The following NCK2 variants were observed in gnomAD, a reference collection of about 807,000 sequenced individuals.
NCK2 encodes the protein NCK adaptor protein 2, also known as cytoplasmic protein NCK2.
NCK2 carries 16 observed loss-of-function variants against 33.9 expected under a neutral mutation model. That is an observed-to-expected ratio of 0.47 (90% confidence interval 0.32 to 0.72). The LOEUF is 0.72. Among genes scored for constraint, NCK2 ranks in the 30% least tolerant of loss-of-function variants. The pLI, the probability that NCK2 is intolerant of heterozygous loss-of-function variation, is 0.03. For synonymous variants in NCK2, 273 were observed against 239.9 expected (o/e 1.14, Z -1.27); for missense variants, 418 against 537.3 (o/e 0.78, Z 2.19).
intron 1 of NCK2, among the ~76,000 whole-genome samples, chr2:105,785,214 A>ATG (rs1166148197): frequency 1.3e-5 from 2 of 152,138 alleles, no homozygotes; most frequent in Non-Finnish European, 2.9e-5. Context: ...TCCTGACCTC[A>ATG]TGATCCGCCC....
At chr2:105,747,085 G>A (rs1689312402) in intron 1 of NCK2, among the ~76,000 whole-genome samples, 2 of 152,176 alleles carry the variant, frequency 1.3e-5, no homozygotes, top group African/African-American at 4.8e-5. Context: ...CGTCGGGCTT[G>A]CTGAAGGTGC....
intron 3 of NCK2, among the ~76,000 whole-genome samples, chr2:105,864,002 G>A (rs1677650883): frequency 1.3e-5 from 2 of 152,096 alleles, no homozygotes. Context: ...GAGGGATGCA[G>A]AGTGCAAGTG....
chr2:105,877,471 G>T (rs979762488), intron 3 of NCK2, among the ~76,000 whole-genome samples: 1 of 152,172 alleles, frequency 6.6e-6, no homozygotes, highest in African/African-American at 2.4e-5. Context: ...AGCCTGCTGA[G>T]ACCTATTAAC....
intron 1 of NCK2, among the ~76,000 whole-genome samples, chr2:105,811,182 A>G (rs1161453785): frequency 1.3e-5 from 2 of 148,254 alleles, no homozygotes; most frequent in African/African-American, 5.0e-5. Context: ...AAAAAAATGC[A>G]TTATGGCTTT....
At chr2:105,843,119 G>A (rs563546084) in intron 2 of NCK2, among the ~76,000 whole-genome samples, 2 of 152,116 alleles carry the variant, frequency 1.3e-5, no homozygotes, top group African/African-American at 4.8e-5. Context: ...TTGAGGTTTT[G>A]GAATATCTAC....
At chr2:105,835,409 G>GTGTATATATATATACATA (rs56250020) in intron 2 of NCK2, among the ~76,000 whole-genome samples, 15 of 59,322 alleles carry the variant, frequency 2.5e-4, no homozygotes, top group South Asian at 6.0e-4. Context: ...ATATATACGT[G>GTGTATATATATATACATA]TATATATATA....
intron 2 of NCK2, among the ~76,000 whole-genome samples, chr2:105,849,072 G>A (rs865881411): frequency 2.0e-5 from 3 of 152,052 alleles, no homozygotes; most frequent in Admixed American, 1.3e-4. Context: ...GTCTCCCTGC[G>A]TATATTTTGA....
intron 2 of NCK2, among the ~76,000 whole-genome samples, chr2:105,819,490 C>T (rs1313248306): frequency 6.6e-6 from 1 of 152,176 alleles, no homozygotes; most frequent in East Asian, 1.9e-4. Flanking sequence ...AATTTATTAG[C>T]ATCAGAGTCT....
chr2:105,779,729 C>T (rs1690426019), intron 1 of NCK2, among the ~76,000 whole-genome samples: 1 of 152,084 alleles, frequency 6.6e-6, no homozygotes, highest in Non-Finnish European at 1.5e-5. Context: ...TTGAATTGAG[C>T]CTCTTGGTCA....
chr2:105,830,396 A>G (rs10865070), intron 2 of NCK2, among the ~76,000 whole-genome samples: 142,229 of 152,234 alleles, frequency 0.93, 66,532 homozygotes, highest in East Asian at 1. Context: ...CATGAGTGAC[A>G]AGTGACAGAA....
At chr2:105,845,255 G>C (rs1676812476) in intron 2 of NCK2, among the ~76,000 whole-genome samples, 1 of 152,162 alleles carries the variant, frequency 6.6e-6, no homozygotes, top group African/African-American at 2.4e-5. Flanking sequence ...AAATCACTGT[G>C]CTTCTTGTTT....
intron 2 of NCK2, among the ~76,000 whole-genome samples, chr2:105,821,236 A>G (rs1470988389): frequency 6.6e-6 from 1 of 152,212 alleles, no homozygotes; most frequent in African/African-American, 2.4e-5. Flanking sequence ...GATTGCTGGT[A>G]GCTGACTTTG....
intron 2 of NCK2, among the ~76,000 whole-genome samples, chr2:105,817,292 T>G (rs998018703): frequency 6.6e-6 from 1 of 152,126 alleles, no homozygotes; most frequent in Non-Finnish European, 1.5e-5. Flanking sequence ...ATCATAACTG[T>G]GATGCAACAT....
chr2:105,750,557 A>G (rs961246656), intron 1 of NCK2, among the ~76,000 whole-genome samples: 2 of 152,210 alleles, frequency 1.3e-5, no homozygotes, highest in East Asian at 3.8e-4. Flanking sequence ...AGGGATGGTT[A>G]GAGTAGTCAC....
intron 2 of NCK2, among the ~76,000 whole-genome samples, chr2:105,842,972 GCA>G (rs1170978321): frequency 2.0e-5 from 3 of 152,140 alleles, no homozygotes; most frequent in African/African-American, 7.2e-5. Context: ...AGGCTTCACA[GCA>G]CAGTTTTATT....
intron 3 of NCK2, among the ~76,000 whole-genome samples, chr2:105,870,104 C>T (rs1014131905): frequency 4.6e-5 from 7 of 152,208 alleles, no homozygotes; most frequent in African/African-American, 1.7e-4. Flanking sequence ...TGCCCACCCA[C>T]TGGCAAAGGG....
chr2:105,781,850 C>T (rs1360721494), intron 1 of NCK2, among the ~76,000 whole-genome samples: 2 of 152,208 alleles, frequency 1.3e-5, no homozygotes, highest in Admixed American at 6.5e-5. Flanking sequence ...TAGTGATGCT[C>T]ATTAGGCATT....
rs76194661 is a variant in NCK2 at position 105,878,836 on chromosome 2, T to C, written c.227-2492T>C. ...TAAAATTTCCGCTGCATGCTTGCTATGTGCAATGTTCCAGTCTTGATGGAG... is the reference window on the plus strand; with the variant it reads ...TAAAATTTCCGCTGCATGCTTGCTACGTGCAATGTTCCAGTCTTGATGGAG... On this transcript the variant is annotated intron_variant, in intron 3 of 4. Transcript: ENST00000233154. 9.2e-5 allele frequency among the ~76,000 whole-genome samples: 14 copies of C among 152,322 alleles called. No individual in the cohort carries two copies. The East Asian group carries it at 2.7e-3, about 29-fold the overall frequency.
intron 2 of NCK2, among the ~76,000 whole-genome samples, chr2:105,824,166 T>C (rs1675856356): frequency 6.6e-6 from 1 of 152,102 alleles, no homozygotes; most frequent in African/African-American, 2.4e-5. Context: ...TGTTACCTTA[T>C]TTCACATGTG....
Sources: gnomAD v4.1 joint callset for allele counts (sites outside exome capture counted in the v4.1 genomes callset) on GRCh38, gnomAD v4.1.1 for gene constraint, MANE v1.5 for transcripts, NCBI Gene and HGNC (gene_info 2026-07-23, HGNC 2026-07-21) for gene names.